The following KLB variants were observed in gnomAD, a reference collection of about 807,000 sequenced individuals.
KLB encodes the protein klotho beta.
KLB carries 44 observed loss-of-function variants against 88.4 expected under a neutral mutation model. The ratio of observed to expected loss-of-function variants is 0.50; its 90% CI spans 0.39 to 0.64. KLB has a LOEUF of 0.64. Among genes scored for constraint, KLB ranks in the 30% least tolerant of loss-of-function variants. KLB has a pLI of 0.00. For synonymous variants in KLB, 548 were observed against 513.4 expected (o/e 1.07, Z -0.91); for missense variants, 1,137 against 1,304.8 (o/e 0.87, Z 1.98).
rs1315202448 is a variant in KLB at position 39,419,107 on chromosome 4, C to T, written c.825+11333C>T. On this transcript the variant is annotated intron_variant, in intron 1 of 4. Transcript: ENST00000257408. ...GAATACCACTGTTAGTTATAAGAAT[C>T]GTGTAAAAAAAAAACTTTTTCAACT... Among the ~76,000 whole-genome samples, 3 of 151,604 alleles carry T rather than the reference C, an allele frequency of 2.0e-5. 1 individual carries two copies. The highest frequency in any genetic ancestry group is 2.0e-4 in the Admixed American group (3 of 15,194).
intron 3 of KLB, among the ~76,000 whole-genome samples, chr4:39,441,495 G>T (rs1425929237): frequency 6.6e-6 from 1 of 152,102 alleles, no homozygotes; most frequent in Non-Finnish European, 1.5e-5. Flanking sequence ...AAACCCACCT[G>T]TTCCTCAGAT....
At chr4:39,411,973 C>T (rs2109819058) in intron 1 of KLB, 1 of 151,442 alleles carries the variant, frequency 6.6e-6, no homozygotes, top group East Asian at 2.0e-4. Flanking sequence ...GCTTAGCTCC[C>T]ACTATATAAG....
At chr4:39,414,638 A>G (rs1436189831) in intron 1 of KLB, among the ~76,000 whole-genome samples, 1 of 151,968 alleles carries the variant, frequency 6.6e-6, no homozygotes, top group African/African-American at 2.4e-5. Context: ...TGAGAGGCCA[A>G]GGTGGGCACA....
chr4:39,407,773 A>G lies in KLB; in HGVS notation c.824A>G (p.Lys275Arg), dbSNP rs773920873. 6.4e-7 allele frequency: 1 copy of G among 1,571,122 alleles called. No homozygotes were observed. Among genetic ancestry groups the G allele is most frequent in the Non-Finnish European group, 8.7e-7 (1 of 1,148,438 alleles). ...AVYTVGHNLIKAHSKVWHNYN... is the reference protein window; with the variant it reads ...AVYTVGHNLIRAHSKVWHNYN... Reference sequence around the variant, plus strand: ...TACACTGTGGGACACAACTTGATCAAGGTACTGTACAGCTAGCTTCTTCTT... The same window carrying G: ...TACACTGTGGGACACAACTTGATCAGGGTACTGTACAGCTAGCTTCTTCTT... The change falls in exon 1 of 5, where the codon AAG (lysine) becomes AGG (arginine). Residue 275 changes from lysine to arginine, a missense_variant and splice_region_variant. This residue lies in a region of KLB where 597 missense variants were observed against 765.2 expected (regional missense o/e 0.78). Coordinates refer to ENST00000257408, the MANE Select transcript of KLB (RefSeq NM_175737.4).
intron 1 of KLB, among the ~76,000 whole-genome samples, chr4:39,411,337 ATTT>A (rs35160893): frequency 0.023 from 2,390 of 103,200 alleles, 15 homozygotes; most frequent in African/African-American, 0.036. Context: ...TTTTGTTTTG[ATTT>A]TTTTTTTTTT....
At chr4:39,420,443 G>T (rs1474921765) in intron 1 of KLB, among the ~76,000 whole-genome samples, 2 of 152,122 alleles carry the variant, frequency 1.3e-5, no homozygotes, top group African/African-American at 2.4e-5. Context: ...TTTCCTTTGA[G>T]ATTTTTGGAA....
intron 1 of KLB, among the ~76,000 whole-genome samples, chr4:39,413,735 A>AT (rs1019153576): frequency 1.8e-4 from 28 of 151,612 alleles, no homozygotes; most frequent in African/African-American, 6.5e-4. Flanking sequence ...GGAAAAAAAA[A>AT]AAATAAATAA....
intron 3 of KLB, among the ~76,000 whole-genome samples, chr4:39,438,261 T>A (rs905551004): frequency 6.6e-6 from 1 of 152,218 alleles, no homozygotes; most frequent in Admixed American, 6.5e-5. Flanking sequence ...AGAGGGAACT[T>A]ACTGTCATTT....
At chr4:39,424,773 CAT>C (rs1743165580) in intron 1 of KLB, among the ~76,000 whole-genome samples, 2 of 152,014 alleles carry the variant, frequency 1.3e-5, no homozygotes, top group Admixed American at 6.6e-5. Context: ...GGACTACAGG[CAT>C]GTGCCACCAC....
intron 1 of KLB, among the ~76,000 whole-genome samples, chr4:39,424,795 AT>A (rs1316086736): frequency 1.3e-5 from 2 of 151,752 alleles, no homozygotes; most frequent in Admixed American, 1.3e-4. Flanking sequence ...CGCCTGGCTA[AT>A]TTTTGTATTT....
chr4:39,407,605 A>G lies in KLB; in HGVS notation c.656A>G (p.Asn219Ser), dbSNP rs374440144. Reference sequence around the variant, plus strand: ...AATGATACCATAATAGATATCTTCAATGACTATGCCACATACTGTTTCCAG... The same window carrying G: ...AATGATACCATAATAGATATCTTCAGTGACTATGCCACATACTGTTTCCAG... The part of the protein sequence containing the change: ...WKNDTIIDIF[N>S]DYATYCFQMF... Residue 219 changes from asparagine (N) to serine (S), a missense_variant, in exon 1 of 5, where the codon AAT becomes AGT. By Grantham distance (46) the Asn-to-Ser change is conservative (BLOSUM62 1). Around this residue, in one of 4 missense-constraint regions of KLB, gnomAD observed 597 missense variants for 765.2 expected, o/e 0.78. Transcript: ENST00000257408. 1.3e-5 allele frequency: 21 copies of G among 1,614,062 alleles called. No individual in the cohort carries two copies. The highest frequency in any genetic ancestry group is 1.4e-5 in the Non-Finnish European group (17 of 1,180,004).
Position 39,437,950 on chromosome 4 carries a change from G to T in KLB, c.1560G>T (p.Gln520His). ...LKESTPDVQG[Q>H]FPCDFSWGVT... Reference sequence around the variant, plus strand: ...AGTCCACGCCAGATGTGCAGGGCCAGTTTCCCTGTGACTTCTCCTGGGGTG... The same window carrying T: ...AGTCCACGCCAGATGTGCAGGGCCATTTTCCCTGTGACTTCTCCTGGGGTG... The change falls in exon 3 of 5, where the codon CAG (glutamine) becomes CAT (histidine). Residue 520 changes from glutamine (Q) to histidine (H), a missense_variant. Physicochemically the swap from Gln to His is conservative, Grantham distance 24. Transcript: ENST00000257408. The T allele has an allele frequency of 6.2e-7, 1 of 1,614,194 alleles. No homozygotes were observed. Among genetic ancestry groups the T allele is most frequent in the Non-Finnish European group, 8.5e-7 (1 of 1,180,020 alleles).
chr4:39,418,414 C>T (rs1195140648), intron 1 of KLB, among the ~76,000 whole-genome samples: 1 of 151,626 alleles, frequency 6.6e-6, no homozygotes, highest in Admixed American at 6.6e-5. Flanking sequence ...GATTTTTGTA[C>T]TTTTAGTAGA....
intron 1 of KLB, among the ~76,000 whole-genome samples, chr4:39,419,432 T>C (rs1016766774): frequency 1.3e-5 from 2 of 152,152 alleles, no homozygotes; most frequent in African/African-American, 4.8e-5. Context: ...AAATAAGTCA[T>C]GTAATAACAT....
chr4:39,445,228 T>C (rs751065332), intron 3 of KLB, among the ~76,000 whole-genome samples: 4 of 152,022 alleles, frequency 2.6e-5, no homozygotes, highest in Non-Finnish European at 5.9e-5. Context: ...GTGAGGTGGG[T>C]GCGATTACTC....
chr4:39,413,194 T>C (rs1194939115), intron 1 of KLB, among the ~76,000 whole-genome samples: 1 of 152,182 alleles, frequency 6.6e-6, no homozygotes, highest in African/African-American at 2.4e-5. Context: ...ATCCCAGAAA[T>C]GTATTTGGCC....
intron 1 of KLB, among the ~76,000 whole-genome samples, chr4:39,415,203 G>A (rs1183140224): frequency 6.6e-6 from 1 of 152,110 alleles, no homozygotes; most frequent in Non-Finnish European, 1.5e-5. Flanking sequence ...GTGAGCCACT[G>A]CGCCTGTCCA....
chr4:39,430,524 T>C (rs1743323753), intron 1 of KLB, among the ~76,000 whole-genome samples: 2 of 151,756 alleles, frequency 1.3e-5, no homozygotes, highest in Admixed American at 1.3e-4. Context: ...CTCTGATTCT[T>C]CCAGAAGTTG....
chr4:39,418,568 T>C (rs1245898851), intron 1 of KLB, among the ~76,000 whole-genome samples: 1 of 151,950 alleles, frequency 6.6e-6, no homozygotes, highest in Non-Finnish European at 1.5e-5. Flanking sequence ...AGTTCTTCAT[T>C]TGATTAGCTA....
Sources: gnomAD v4.1 joint callset for allele counts (sites outside exome capture counted in the v4.1 genomes callset) on GRCh38, gnomAD v4.1.1 for gene constraint, gnomAD v4.1.1 regional missense constraint, MANE v1.5 for transcripts, NCBI Gene and HGNC (gene_info 2026-07-23, HGNC 2026-07-21) for gene names.